The following GRM5 variants were observed in gnomAD, a reference collection of about 807,000 sequenced individuals.
The protein encoded by GRM5 is glutamate metabotropic receptor 5.
In GRM5, 19 loss-of-function variants were observed where a neutral mutation model predicts 83.1. The ratio of observed to expected loss-of-function variants is 0.23; its 90% CI spans 0.16 to 0.34. The LOEUF (loss-of-function observed/expected upper bound fraction) is 0.34. Among genes scored for constraint, GRM5 ranks in the 10% least tolerant of loss-of-function variants. The pLI, the probability that GRM5 is intolerant of heterozygous loss-of-function variation, is 1.00. For synonymous variants in GRM5, 675 were observed against 633.6 expected, an observed-to-expected ratio of 1.07 and a Z score of -0.98; for missense variants, 1,160 against 1,588.3, an observed-to-expected ratio of 0.73 and a Z score of 4.58.
intron 2 of GRM5, among the ~76,000 whole-genome samples, chr11:88,889,867 A>G (rs935202262): frequency 6.6e-6 from 1 of 152,136 alleles, no homozygotes; most frequent in Non-Finnish European, 1.5e-5. Context: ...ACAAACAAAA[A>G]AAACCCTTTC....
intron 2 of GRM5, among the ~76,000 whole-genome samples, chr11:88,889,248 A>C (rs545679454): frequency 6.6e-6 from 1 of 152,290 alleles, no homozygotes; most frequent in East Asian, 1.9e-4. Flanking sequence ...GTATATTTTA[A>C]GAAAGGGCTG....
At chr11:88,595,639 C>T (rs1937778117) in intron 6 of GRM5, among the ~76,000 whole-genome samples, 2 of 152,148 alleles carry the variant, frequency 1.3e-5, no homozygotes, top group African/African-American at 4.8e-5. Context: ...TTTTCCTTAT[C>T]CATTCATCTT....
intron 4 of GRM5, among the ~76,000 whole-genome samples, chr11:88,645,966 T>C (rs1939433154): frequency 1.3e-5 from 2 of 152,084 alleles, no homozygotes; most frequent in South Asian, 4.1e-4. Flanking sequence ...ACTGGGGATA[T>C]AAAAAGGAGG....
intron 3 of GRM5, among the ~76,000 whole-genome samples, chr11:88,840,739 C>G (rs370170084): frequency 6.6e-6 from 1 of 152,168 alleles, no homozygotes; most frequent in African/African-American, 2.4e-5. Context: ...GTGTAATGAG[C>G]CTTTATGGTC....
intron 3 of GRM5, among the ~76,000 whole-genome samples, chr11:88,733,033 C>A (rs1368237950): frequency 1.3e-5 from 2 of 152,022 alleles, no homozygotes; most frequent in African/African-American, 4.8e-5. Context: ...AAATGAATTT[C>A]ATAGACATGA....
At chr11:88,793,706 T>C (rs985054550) in intron 3 of GRM5, among the ~76,000 whole-genome samples, 1 of 152,134 alleles carries the variant, frequency 6.6e-6, no homozygotes, top group African/African-American at 2.4e-5. Flanking sequence ...ACAAACCTAC[T>C]GGGAGGGCCA....
At chr11:88,964,844 G>A (rs972350723) in intron 2 of GRM5, among the ~76,000 whole-genome samples, 8 of 152,016 alleles carry the variant, frequency 5.3e-5, no homozygotes, top group Admixed American at 1.3e-4. Context: ...GAATTATATC[G>A]AATTATTTAA....
intron 4 of GRM5, among the ~76,000 whole-genome samples, chr11:88,605,919 T>G (rs1219528560): frequency 1.3e-5 from 2 of 152,186 alleles, no homozygotes; most frequent in Non-Finnish European, 2.9e-5. Context: ...TCTCATTTAC[T>G]TAGAGTCTAA....
chr11:88,597,233 T>G lies in GRM5; in HGVS notation c.1514A>C (p.Asn505Thr), dbSNP rs1383177762. The G allele has an allele frequency of 7.5e-6, 12 of 1,610,140 alleles. No homozygotes were observed. The highest frequency in any genetic ancestry group is 1.1e-5 in the South Asian group (1 of 90,764). ...DDDEVWSKKS[N>T]IIRSVCSEPC... ...TTCACTGCACACAGATCTGATGATG[T>G]TGCTTTTCTTGGACCATACTTCATC... Residue 505 changes from asparagine to threonine, a missense_variant, in exon 6 of 10, where the codon AAC becomes ACC. Physicochemically the swap from Asn to Thr is moderately conservative, Grantham distance 65 (BLOSUM62 0). Transcript: ENST00000305447.
At chr11:88,576,590 A>T (rs187196293) in intron 7 of GRM5, among the ~76,000 whole-genome samples, 93 of 152,222 alleles carry the variant, frequency 6.1e-4, no homozygotes, top group African/African-American at 2.1e-3. Context: ...CTATGTCTCA[A>T]TTTTTTCATA....
At chr11:88,620,195 A>C (rs1435135017) in intron 4 of GRM5, among the ~76,000 whole-genome samples, 1 of 152,214 alleles carries the variant, frequency 6.6e-6, no homozygotes, top group Non-Finnish European at 1.5e-5. Flanking sequence ...CCCACCACAG[A>C]GTAGGAACTC....
chr11:88,957,548 A>T (rs1232316581), intron 2 of GRM5, among the ~76,000 whole-genome samples: 2 of 152,212 alleles, frequency 1.3e-5, no homozygotes, highest in Non-Finnish European at 2.9e-5. Context: ...TGGTGTAATG[A>T]TTGGTAATGG....
chr11:88,712,803 A>T (rs1490174014), intron 3 of GRM5, among the ~76,000 whole-genome samples: 1 of 152,068 alleles, frequency 6.6e-6, no homozygotes, highest in Non-Finnish European at 1.5e-5. Flanking sequence ...CCATCTCAGC[A>T]ATGACATTAG....
rs138530130 is a variant in GRM5 at position 88,908,152 on chromosome 11, C to T, written c.662-57997G>A. 6.2e-3 allele frequency among the ~76,000 whole-genome samples: 951 copies of T among 152,174 alleles called. 8 individuals are homozygous for T. Among genetic ancestry groups the T allele is most frequent in the African/African-American group, 0.021 (891 of 41,538 alleles). ...TCCATATTTTAGCATTCCATACAAACATCATGTTTTCCATATTTGAGAAAA... is the reference window on the plus strand; with the variant it reads ...TCCATATTTTAGCATTCCATACAAATATCATGTTTTCCATATTTGAGAAAA... On this transcript the variant is annotated intron_variant, in intron 2 of 9. Transcript: ENST00000305447.
At chr11:89,064,245 A>T (rs1236454548) in intron 1 of GRM5, among the ~76,000 whole-genome samples, 1 of 152,232 alleles carries the variant, frequency 6.6e-6, no homozygotes, top group Non-Finnish European at 1.5e-5. Context: ...AACCTTAAAA[A>T]TAGCATATGA....
At chr11:88,626,020 T>C (rs1938786087) in intron 4 of GRM5, among the ~76,000 whole-genome samples, 1 of 127,174 alleles carries the variant, frequency 7.9e-6, no homozygotes, top group Non-Finnish European at 1.5e-5. Flanking sequence ...AGTGACTAGC[T>C]TATTTTTTTT....
rs567312144 is a variant in GRM5 at position 88,512,855 on chromosome 11, A to T, written c.2727-3351T>A. Among the ~76,000 whole-genome samples the T allele has an allele frequency of 3.3e-5, 5 of 152,314 alleles. No homozygotes were observed. The East Asian group carries it at 9.6e-4, about 29-fold the overall frequency. ...AAAAGTATACTCAATGCCATTTTGA[A>T]CCCTGGTTTAAGGAACAGAGAATTC... On this transcript the variant is annotated intron_variant, in intron 9 of 9. Transcript: ENST00000305447.
chr11:88,663,005 T>C (rs1310076836), intron 3 of GRM5, among the ~76,000 whole-genome samples: 2 of 152,196 alleles, frequency 1.3e-5, no homozygotes, highest in Non-Finnish European at 2.9e-5. Flanking sequence ...TATGAAATAA[T>C]ACACGCATTT....
intron 8 of GRM5, among the ~76,000 whole-genome samples, chr11:88,534,771 A>G (rs1281947088): frequency 6.6e-6 from 1 of 152,164 alleles, no homozygotes. Context: ...CTGTTTCCCC[A>G]CACAAATTTC....
Sources: allele counts gnomAD v4.1 joint callset (sites outside exome capture counted in the v4.1 genomes callset), GRCh38; gene constraint gnomAD v4.1.1; transcripts MANE v1.5; gene names NCBI Gene and HGNC (gene_info 2026-07-23, HGNC 2026-07-21).